VXN: variants seen among roughly 807,000 people sequenced by gnomAD.
VXN encodes uncharacterized protein C8orf46.
VXN carries 7 observed loss-of-function variants against 23.1 expected under a neutral mutation model. The observed-to-expected ratio is 0.30, with a 90% CI of 0.17 to 0.57. The LOEUF is 0.57. VXN is among the 20% of genes least tolerant of loss of function. The pLI is 0.91. For missense variants in VXN, 238 were observed against 272.6 expected, an observed-to-expected ratio of 0.87 and a Z score of 0.89; for synonymous variants, 120 against 105.8, an observed-to-expected ratio of 1.13 and a Z score of -0.83.
At chr8:66,504,810 GAGAGCACCCC>G (rs1406308205) in intron 2 of VXN, among the ~76,000 whole-genome samples, 1 of 152,280 alleles carries the variant, frequency 6.6e-6, no homozygotes, top group Admixed American at 6.5e-5. Flanking sequence ...ACGCGGGTAG[GAGAGCACCCC>G]GTGCCCCCTG....
chr8:66,502,873 G>A (rs1210392546), intron 2 of VXN, among the ~76,000 whole-genome samples: 1 of 150,224 alleles, frequency 6.7e-6, no homozygotes, highest in African/African-American at 2.5e-5. Flanking sequence ...TTAAGATGGG[G>A]TCTCACTCTG....
In VXN at chr8:66,505,456, C is replaced by T. The variant is rs954971915; in HGVS notation, c.208C>T (p.Arg70Cys). Residue 70 changes from arginine to cysteine, a missense_variant, in exon 3 of 6, where the codon CGC becomes TGC. Arg to Cys is a radical substitution (Grantham distance 180). This residue lies in a region of VXN where 223 missense variants were observed against 236.9 expected (regional missense o/e 0.94). Transcript: ENST00000305454. Reference protein sequence around the residue: ...HRGDRRDPGDRRRFGRLQTAR... With the variant: ...HRGDRRDPGDCRRFGRLQTAR... ...CGGAGACCGCAGGGACCCTGGCGACCGCCGCAGGTTTGGGCGGCTCCAGAC... is the reference window on the plus strand; with the variant it reads ...CGGAGACCGCAGGGACCCTGGCGACTGCCGCAGGTTTGGGCGGCTCCAGAC... 3 of 1,575,264 alleles carry T rather than the reference C, an allele frequency of 1.9e-6. No homozygotes were observed. The highest frequency in any genetic ancestry group is 2.7e-5 in the African/African-American group (2 of 74,356).
chr8:66,505,161 G>A lies in VXN; in HGVS notation c.127-214G>A. 2.8e-6 allele frequency: 2 copies of A among 718,964 alleles called. 1 individual carries two copies. The highest frequency in any genetic ancestry group is 3.0e-5 in the South Asian group (2 of 66,828). 44.5% of individuals were successfully genotyped at this position (718,964 alleles called of 1,614,324 possible). On this transcript the variant is annotated intron_variant, in intron 2 of 5. Transcript: ENST00000305454. ...CAGAACCCTCATTTGCTTGCCCCATGGCACCATTTGGCAGTCTGAAGTCAA... is the reference window on the plus strand; with the variant it reads ...CAGAACCCTCATTTGCTTGCCCCATAGCACCATTTGGCAGTCTGAAGTCAA...
chr8:66,516,160 G>C lies in VXN; in HGVS notation c.*84G>C. ...CTTCAGGATTGAAACTGAGCCACAC[G>C]CACCTCTGCTAGTAGCTGGTCCAAA... On this transcript the variant is annotated 3_prime_UTR_variant, in exon 6 of 6. Transcript: ENST00000305454. The C allele has an allele frequency of 7.9e-7, 1 of 1,272,070 alleles. No individual in the cohort carries two copies. Among genetic ancestry groups the C allele is most frequent in the South Asian group, 1.5e-5 (1 of 65,872 alleles). 78.8% of individuals were successfully genotyped at this position (1,272,070 alleles called of 1,614,324 possible).
chr8:66,504,968 A>G (rs1807732996), intron 2 of VXN, among the ~76,000 whole-genome samples: 2 of 152,256 alleles, frequency 1.3e-5, no homozygotes, highest in Admixed American at 6.5e-5. Flanking sequence ...CCACTCAGCT[A>G]CAAAGACTGT....
At chr8:66,498,639 C>T (rs1039562949) in intron 2 of VXN, among the ~76,000 whole-genome samples, 1 of 152,024 alleles carries the variant, frequency 6.6e-6, no homozygotes, top group Admixed American at 6.6e-5. Flanking sequence ...AATCTAATAA[C>T]CAAGATGGCT....
At chr8:66,505,576 A>G in intron 3 of VXN, 48 bp downstream of exon 3, 1 of 1,436,258 alleles carries the variant, frequency 7.0e-7, no homozygotes, top group Non-Finnish European at 9.1e-7. Flanking sequence ...GGGCGCAGAG[A>G]CCCACTCAGA....
chr8:66,512,624 A>G (rs1807837672), intron 4 of VXN, among the ~76,000 whole-genome samples: 2 of 152,080 alleles, frequency 1.3e-5, no homozygotes, highest in African/African-American at 4.8e-5. Flanking sequence ...AGGGCTGAGG[A>G]GGGCTGCCAA....
At chr8:66,510,981 C>A (rs1160756756) in intron 4 of VXN, among the ~76,000 whole-genome samples, 2 of 152,130 alleles carry the variant, frequency 1.3e-5, no homozygotes, top group African/African-American at 4.8e-5. Flanking sequence ...CTGAAATGAC[C>A]AAGCTTTTAT....
intron 1 of VXN, among the ~76,000 whole-genome samples, chr8:66,493,991 G>A (rs1807596936): frequency 6.6e-6 from 1 of 152,226 alleles, no homozygotes; most frequent in Non-Finnish European, 1.5e-5. Context: ...ACCAATGGAA[G>A]TGACAGCAAG....
chr8:66,499,953 T>C (rs1191819787), intron 2 of VXN, among the ~76,000 whole-genome samples: 1 of 152,008 alleles, frequency 6.6e-6, no homozygotes, highest in Non-Finnish European at 1.5e-5. Flanking sequence ...TTTTGAACTC[T>C]TGGGCTCAAG....
rs146835101 is a variant in VXN at position 66,512,910 on chromosome 8, G to A, written c.343-630G>A. Among the ~76,000 whole-genome samples the A allele has an allele frequency of 2.2e-3, 338 of 152,334 alleles. 1 individual carries two copies. The highest frequency in any genetic ancestry group is 7.6e-3 in the African/African-American group (318 of 41,572). The stretch of plus-strand genomic sequence containing the variant: ...GCGTAGATAGAGGGCGTCCTGTGCT[G>A]AGGAGCCTGGAGGAGCAGCTGCAGA... On this transcript the variant is annotated intron_variant, in intron 4 of 5. Coordinates refer to ENST00000305454, the MANE Select transcript of VXN (RefSeq NM_152765.4).
At chr8:66,508,623 G>A (rs537102276) in intron 3 of VXN, among the ~76,000 whole-genome samples, 2 of 152,170 alleles carry the variant, frequency 1.3e-5, no homozygotes, top group South Asian at 4.2e-4. Context: ...CTCTCCACCT[G>A]GCAAACTCCA....
At chr8:66,509,955 G>A in intron 3 of VXN, 141 bp from the exon 4 acceptor site, 1 of 752,522 alleles carries the variant, frequency 1.3e-6, no homozygotes, top group Non-Finnish European at 2.3e-6. Flanking sequence ...TGACCCTCCT[G>A]CCTGGTTTTG....
rs1210903939 is a variant in VXN at position 66,518,376 on chromosome 8, G to A, written c.*2300G>A. 2.6e-5 allele frequency: 4 copies of A among 152,168 alleles called. No individual in the cohort carries two copies. Among genetic ancestry groups the A allele is most frequent in the Non-Finnish European group, 5.9e-5 (4 of 68,026 alleles). 9.4% of individuals were successfully genotyped at this position (152,168 alleles called of 1,614,324 possible). On this transcript the variant is annotated 3_prime_UTR_variant, in exon 6 of 6. Transcript: ENST00000305454. ...AACTGGTATCTTTCATTTGTATGTG[G>A]CAGCTAGAGATTTATATAGGATGGA...
intron 3 of VXN, among the ~76,000 whole-genome samples, chr8:66,509,051 T>C (rs1426220202): frequency 6.6e-6 from 1 of 152,198 alleles, no homozygotes; most frequent in African/African-American, 2.4e-5. Context: ...ACTTTTACGG[T>C]TTATGCTCAG....
chr8:66,506,948 AAAG>A (rs1327941207), intron 3 of VXN, among the ~76,000 whole-genome samples: 8 of 152,158 alleles, frequency 5.3e-5, no homozygotes, highest in East Asian at 3.8e-4. Flanking sequence ...GTGTGTGTGG[AAAG>A]AAGAAGAGAC....
chr8:66,500,050 T>C (rs1322892047), intron 2 of VXN, among the ~76,000 whole-genome samples: 1 of 152,194 alleles, frequency 6.6e-6, no homozygotes, highest in African/African-American at 2.4e-5. Context: ...ATAGCGGCTG[T>C]ATAATACAAC....
intron 2 of VXN, 187 bp from the exon 3 acceptor site, chr8:66,505,188 T>A (rs1161366708): frequency 8.5e-6 from 7 of 825,894 alleles, no homozygotes; most frequent in Non-Finnish European, 1.4e-5. Flanking sequence ...TGAAGTCAAA[T>A]AAAACAGTCA....
Sources: allele counts gnomAD v4.1 joint callset (sites outside exome capture counted in the v4.1 genomes callset), GRCh38; gene constraint gnomAD v4.1.1; regional missense constraint gnomAD v4.1.1; transcripts MANE v1.5; gene names NCBI Gene and HGNC (gene_info 2026-07-23, HGNC 2026-07-21).